Variants in SYNE3 observed in about 807,000 individuals in gnomAD.
SYNE3 encodes spectrin repeat containing nuclear envelope family member 3.
In SYNE3, 100 loss-of-function variants were observed where a neutral mutation model predicts 111.2. The observed-to-expected ratio is 0.90, with a 90% CI of 0.77 to 1.06. The LOEUF (loss-of-function observed/expected upper bound fraction) is 1.06. Ranked by LOEUF, SYNE3 falls within the 50% of genes least tolerant of loss-of-function variation. The pLI, the probability that SYNE3 is intolerant of heterozygous loss-of-function variation, is 0.00. For synonymous variants in SYNE3, 547 were observed against 533.9 expected (o/e 1.02, Z -0.34); for missense variants, 1,160 against 1,240.3 (o/e 0.94, Z 0.97).
chr14:95,421,081 TTC>T (rs1353712572), intron 17 of SYNE3, among the ~76,000 whole-genome samples: 6 of 152,204 alleles, frequency 3.9e-5, no homozygotes, highest in Non-Finnish European at 7.3e-5. Context: ...AGATGTGCCT[TTC>T]TTCTTCTGCC....
chr14:95,474,549 G>T, intron 2 of SYNE3, among the ~76,000 whole-genome samples: 1 of 152,182 alleles, frequency 6.6e-6, no homozygotes. Flanking sequence ...AACGTGACAG[G>T]GCTCTGCAGG....
chr14:95,469,828 G>T (rs1434777116), intron 2 of SYNE3, among the ~76,000 whole-genome samples: 2 of 152,206 alleles, frequency 1.3e-5, no homozygotes, highest in African/African-American at 2.4e-5. Context: ...CCCAATGTGT[G>T]CAAATGGGCA....
intron 17 of SYNE3, among the ~76,000 whole-genome samples, chr14:95,427,381 G>C (rs58981825): frequency 1.1e-4 from 16 of 152,296 alleles, no homozygotes; most frequent in African/African-American, 3.9e-4. Flanking sequence ...CCTGACATCA[G>C]TCAGGCCCGC....
At chr14:95,482,243 G>A (rs887032790) in intron 1 of SYNE3, among the ~76,000 whole-genome samples, 5 of 152,176 alleles carry the variant, frequency 3.3e-5, no homozygotes, top group Non-Finnish European at 5.9e-5. Flanking sequence ...AGATCAGCCT[G>A]GCCAACATGG....
chr14:95,427,069 C>G (rs542614132), intron 17 of SYNE3, among the ~76,000 whole-genome samples: 1 of 151,968 alleles, frequency 6.6e-6, no homozygotes, highest in South Asian at 2.1e-4. Context: ...AATCCTCGCT[C>G]TATAATCATA....
At chr14:95,448,694 A>G (rs1886865529) in intron 8 of SYNE3, among the ~76,000 whole-genome samples, 2 of 152,190 alleles carry the variant, frequency 1.3e-5, no homozygotes, top group African/African-American at 4.8e-5. Context: ...TCTCCAAACA[A>G]AAAGCCACGA....
At chr14:95,507,738 G>A (rs191360972) in intron 1 of SYNE3, among the ~76,000 whole-genome samples, 54 of 152,354 alleles carry the variant, frequency 3.5e-4, no homozygotes, top group African/African-American at 1.1e-3. Flanking sequence ...CTGGATAAAT[G>A]ACAGAAATTA....
At chr14:95,482,814 A>G (rs557986356) in intron 1 of SYNE3, among the ~76,000 whole-genome samples, 31 of 152,360 alleles carry the variant, frequency 2.0e-4, no homozygotes, top group African/African-American at 7.5e-4. Context: ...ACATAGGCCC[A>G]GTGACACATT....
chr14:95,507,286 C>T (rs182984204), intron 1 of SYNE3, among the ~76,000 whole-genome samples: 25 of 152,324 alleles, frequency 1.6e-4, no homozygotes, highest in Admixed American at 8.5e-4. Context: ...CTTCCTAGTT[C>T]GTGTCCACCT....
intron 1 of SYNE3, among the ~76,000 whole-genome samples, chr14:95,480,481 G>A (rs1316055675): frequency 2.0e-5 from 3 of 152,178 alleles, no homozygotes; most frequent in African/African-American, 7.2e-5. Context: ...ACAGAACCTG[G>A]GTCAAAAGCT....
At chr14:95,437,006 C>G (rs57883787) in intron 14 of SYNE3, 25 bp from the exon 15 acceptor site, 3 of 1,613,720 alleles carry the variant, frequency 1.9e-6, no homozygotes, top group Middle Eastern at 1.7e-4. Flanking sequence ...ACGGCCAAAG[C>G]GTCAGAGGTG....
At chr14:95,456,569 G>A (rs544521552) in intron 5 of SYNE3, among the ~76,000 whole-genome samples, 12 of 152,286 alleles carry the variant, frequency 7.9e-5, no homozygotes, top group Admixed American at 3.3e-4. Flanking sequence ...TCCTCAGGGC[G>A]AGGAGTCTCT....
chr14:95,458,056 G>A (rs770435215), intron 4 of SYNE3, among the ~76,000 whole-genome samples: 2 of 152,222 alleles, frequency 1.3e-5, no homozygotes, highest in Non-Finnish European at 2.9e-5. Flanking sequence ...CAACACAGGG[G>A]TAAGATGATG....
In SYNE3 at chr14:95,486,849, G is replaced by T. The variant is rs181398356; in HGVS notation, c.-14-11014C>A. On this transcript the variant is annotated intron_variant, in intron 1 of 17. Coordinates refer to ENST00000682763, the MANE Select transcript of SYNE3 (RefSeq NM_152592.6). ...TCACATAAAACTCATGGTCTCCAAAGAAATCCTCCTGACACCCCAAGGTGA... is the reference window on the plus strand; with the variant it reads ...TCACATAAAACTCATGGTCTCCAAATAAATCCTCCTGACACCCCAAGGTGA... 2.7e-3 allele frequency among the ~76,000 whole-genome samples: 413 copies of T among 152,252 alleles called. 6 individuals carry two copies. The highest frequency in any genetic ancestry group is 6.8e-3 in the East Asian group (35 of 5,184).
intron 1 of SYNE3, among the ~76,000 whole-genome samples, chr14:95,492,888 G>C (rs1218932816): frequency 6.6e-6 from 1 of 152,122 alleles, no homozygotes; most frequent in Non-Finnish European, 1.5e-5. Flanking sequence ...ACTTTAAATG[G>C]GTGAATTGTA....
At chr14:95,482,819 C>T (rs1368748920) in intron 1 of SYNE3, among the ~76,000 whole-genome samples, 1 of 152,204 alleles carries the variant, frequency 6.6e-6, no homozygotes, top group African/African-American at 2.4e-5. Flanking sequence ...GGCCCAGTGA[C>T]ACATTCACAT....
intron 1 of SYNE3, among the ~76,000 whole-genome samples, chr14:95,495,390 A>G (rs752428554): frequency 6.6e-6 from 1 of 152,142 alleles, no homozygotes; most frequent in African/African-American, 2.4e-5. Flanking sequence ...CGACCCTATG[A>G]TTGTCCTGGT....
intron 17 of SYNE3, among the ~76,000 whole-genome samples, chr14:95,421,249 A>T (rs1247749456): frequency 6.6e-6 from 1 of 152,150 alleles, no homozygotes; most frequent in Non-Finnish European, 1.5e-5. Flanking sequence ...TGATGAGCCC[A>T]TGGGGGTGGG....
intron 1 of SYNE3, among the ~76,000 whole-genome samples, chr14:95,510,157 T>G (rs1358415728): frequency 6.6e-6 from 1 of 152,202 alleles, no homozygotes; most frequent in East Asian, 1.9e-4. Flanking sequence ...GCCTTACCCA[T>G]GTAAAGTTCT....
Sources: gnomAD v4.1 joint callset for allele counts (sites outside exome capture counted in the v4.1 genomes callset) on GRCh38, gnomAD v4.1.1 for gene constraint, MANE v1.5 for transcripts, NCBI Gene and HGNC (gene_info 2026-07-23, HGNC 2026-07-21) for gene names.